Variants in INPP4B observed in about 807,000 individuals in gnomAD.
INPP4B encodes inositol polyphosphate 4-phosphatase type II.
INPP4B carries 55 observed loss-of-function variants against 122.5 expected under a neutral mutation model. The observed-to-expected ratio is 0.45, with a 90% CI of 0.36 to 0.56. The LOEUF is 0.56. Ranked by LOEUF, INPP4B falls within the 20% of genes least tolerant of loss-of-function variation. The pLI, the probability that INPP4B is intolerant of heterozygous loss-of-function variation, is 0.00. For synonymous variants in INPP4B, 403 were observed against 388.7 expected (o/e 1.04, Z -0.43); for missense variants, 1,000 against 1,097.7 (o/e 0.91, Z 1.26).
At chr4:142,391,468 A>T (rs1000802400) in intron 7 of INPP4B, among the ~76,000 whole-genome samples, 3 of 152,214 alleles carry the variant, frequency 2.0e-5, no homozygotes, top group Admixed American at 6.5e-5. Flanking sequence ...AGTCTGAGGC[A>T]GGAGAATCGC....
At chr4:142,497,006 T>C (rs1324961345) in intron 2 of INPP4B, 1 of 152,108 alleles carries the variant, frequency 6.6e-6, no homozygotes, top group Non-Finnish European at 1.5e-5. Flanking sequence ...TTTCATGCTG[T>C]ATAATCAGAA....
intron 2 of INPP4B, among the ~76,000 whole-genome samples, chr4:142,702,730 C>CAAAAAAAAAAAAAAAAAAAAAAAAAAAA: frequency 1.6e-5 from 1 of 64,326 alleles, no homozygotes; most frequent in Non-Finnish European, 2.9e-5. Flanking sequence ...AACTCCGTCT[C>CAAAAAAAAAAAAAAAAAAAAAAAAAAAA]AAAAAAAAAA....
At chr4:142,116,816 C>A (rs1793757387) in intron 21 of INPP4B, among the ~76,000 whole-genome samples, 1 of 151,900 alleles carries the variant, frequency 6.6e-6, no homozygotes, top group Non-Finnish European at 1.5e-5. Context: ...AAGATCAGAG[C>A]AGAACTGAAG....
chr4:142,145,698 C>A, intron 18 of INPP4B, 142 bp downstream of exon 18: 1 of 730,768 alleles, frequency 1.4e-6, no homozygotes, highest in Non-Finnish European at 2.2e-6. Flanking sequence ...TTCCATCATC[C>A]AAGCCAGAGC....
chr4:142,830,807 A>C (rs1782022916), intron 1 of INPP4B, among the ~76,000 whole-genome samples: 1 of 146,930 alleles, frequency 6.8e-6, no homozygotes. Flanking sequence ...TGAGCCCAGG[A>C]GTTAGAGATT....
chr4:142,058,672 A>G (rs1758985696), intron 25 of INPP4B, among the ~76,000 whole-genome samples: 1 of 152,150 alleles, frequency 6.6e-6, no homozygotes, highest in African/African-American at 2.4e-5. Context: ...TAAAAATTCT[A>G]CTTTTCAGAA....
At chr4:142,603,788 AAAG>A (rs543071099) in intron 2 of INPP4B, among the ~76,000 whole-genome samples, 15 of 152,124 alleles carry the variant, frequency 9.9e-5, no homozygotes, top group African/African-American at 1.4e-4. Context: ...CAAAATATAT[AAAG>A]AAGAACTGAT....
rs181218769 is a variant in INPP4B, at chr4:142,707,184, C to G, written c.-191+18655G>C. Among the ~76,000 whole-genome samples the G allele has an allele frequency of 4.2e-4, 64 of 152,320 alleles. No homozygotes were observed. The East Asian group carries it at 7.3e-3, about 17-fold the overall frequency. ...CACTCTCTTACTCTCAGCAGAAGAT[C>G]CTAATTCATATAGAAACTCAGAGAT... On this transcript the variant is annotated intron_variant, in intron 2 of 25. Transcript: ENST00000262992.
chr4:142,563,910 C>T (rs1450875668), intron 2 of INPP4B, among the ~76,000 whole-genome samples: 1 of 152,120 alleles, frequency 6.6e-6, no homozygotes, highest in Non-Finnish European at 1.5e-5. Flanking sequence ...TTTTCACTGA[C>T]CAGCAGCTGC....
intron 9 of INPP4B, among the ~76,000 whole-genome samples, chr4:142,299,163 T>C (rs1309829562): frequency 2.1e-5 from 3 of 144,752 alleles, no homozygotes; most frequent in Non-Finnish European, 4.5e-5. Context: ...TTTCTTTTTT[T>C]TTTTTTGGGG....
At chr4:142,079,401 G>T (rs77202054) in intron 25 of INPP4B, among the ~76,000 whole-genome samples, 1 of 151,984 alleles carries the variant, frequency 6.6e-6, no homozygotes, top group Non-Finnish European at 1.5e-5. Context: ...GGTGGGACTT[G>T]CTAGATGGCA....
chr4:142,690,278 C>A (rs1318468372), intron 2 of INPP4B, among the ~76,000 whole-genome samples: 1 of 152,116 alleles, frequency 6.6e-6, no homozygotes, highest in Admixed American at 6.6e-5. Flanking sequence ...AGGAACATAG[C>A]ATGGAGAAAA....
intron 1 of INPP4B, among the ~76,000 whole-genome samples, chr4:142,822,983 G>T (rs1208624456): frequency 6.6e-6 from 1 of 152,162 alleles, no homozygotes; most frequent in Non-Finnish European, 1.5e-5. Flanking sequence ...GATCTGGGTT[G>T]AAGGAGTGGC....
intron 1 of INPP4B, among the ~76,000 whole-genome samples, chr4:142,830,193 G>C (rs1204615352): frequency 1.3e-5 from 2 of 152,056 alleles, no homozygotes; most frequent in Non-Finnish European, 2.9e-5. Context: ...ATATCTCCAA[G>C]ATATTTTATA....
intron 10 of INPP4B, among the ~76,000 whole-genome samples, chr4:142,263,680 A>ATATATATATATATATG (rs61694410): frequency 0.015 from 1,228 of 81,886 alleles, 279 homozygotes; most frequent in East Asian, 0.021. Flanking sequence ...ATATATATAT[A>ATATATATATATATATG]ACATTGAACA....
chr4:142,259,515 A>G (rs905324725), intron 11 of INPP4B, among the ~76,000 whole-genome samples: 1 of 151,580 alleles, frequency 6.6e-6, no homozygotes, highest in Non-Finnish European at 1.5e-5. Flanking sequence ...AAACAGGCCA[A>G]TGTGGAAAAA....
At chr4:142,769,829 G>A (rs922219975) in intron 1 of INPP4B, among the ~76,000 whole-genome samples, 4 of 152,066 alleles carry the variant, frequency 2.6e-5, no homozygotes, top group African/African-American at 4.8e-5. Flanking sequence ...TGGGAGGATC[G>A]CTTGAGCCAG....
At chr4:142,407,424 C>T (rs944722641) in intron 5 of INPP4B, among the ~76,000 whole-genome samples, 3 of 151,998 alleles carry the variant, frequency 2.0e-5, no homozygotes, top group African/African-American at 7.3e-5. Flanking sequence ...GTGGTTATTT[C>T]CCAGAAATGA....
intron 1 of INPP4B, among the ~76,000 whole-genome samples, chr4:142,747,188 C>T (rs970258225): frequency 3.3e-5 from 5 of 151,856 alleles, no homozygotes; most frequent in African/African-American, 1.2e-4. Context: ...AAAAATCAAA[C>T]AACCCCATCA....
Sources: gnomAD v4.1 joint callset for allele counts (sites outside exome capture counted in the v4.1 genomes callset) on GRCh38, gnomAD v4.1.1 for gene constraint, MANE v1.5 for transcripts, NCBI Gene and HGNC (gene_info 2026-07-23, HGNC 2026-07-21) for gene names.